Variants in PHACTR1 observed in about 807,000 individuals in gnomAD.
PHACTR1 encodes phosphatase and actin regulator 1, also known as RPEL repeat containing 1.
In PHACTR1, 16 loss-of-function variants were observed where a neutral mutation model predicts 69.2. The observed-to-expected ratio is 0.23, with a 90% CI of 0.16 to 0.35. The LOEUF (loss-of-function observed/expected upper bound fraction) is 0.35, where lower values mean the gene tolerates loss of function less well. PHACTR1 is among the 10% of genes least tolerant of loss of function. PHACTR1 has a pLI of 1.00. For missense variants in PHACTR1, 510 were observed against 734.7 expected (o/e 0.69, Z 3.54); for synonymous variants, 312 against 284.5 (o/e 1.10, Z -0.97).
chr6:13,153,907 T>C (rs1757808583), intron 5 of PHACTR1, among the ~76,000 whole-genome samples: 1 of 152,230 alleles, frequency 6.6e-6, no homozygotes, highest in African/African-American at 2.4e-5. Flanking sequence ...ATTAATTTCT[T>C]AGTCTGCTTA....
chr6:13,178,792 G>C (rs1377000481), intron 6 of PHACTR1, among the ~76,000 whole-genome samples: 1 of 152,190 alleles, frequency 6.6e-6, no homozygotes, highest in Non-Finnish European at 1.5e-5. Flanking sequence ...AGTGAACACT[G>C]TCTCATCCAC....
At chr6:12,768,861 CAA>C (rs1197466268) in intron 4 of PHACTR1, among the ~76,000 whole-genome samples, 3 of 127,036 alleles carry the variant, frequency 2.4e-5, no homozygotes, top group Non-Finnish European at 5.0e-5. Context: ...CACACACACA[CAA>C]TGGAATACTA....
At chr6:12,883,997 TAC>T in intron 4 of PHACTR1, among the ~76,000 whole-genome samples, 1 of 149,746 alleles carries the variant, frequency 6.7e-6, no homozygotes, top group Non-Finnish European at 1.5e-5. Flanking sequence ...TACACAAATA[TAC>T]ACACATAACC....
chr6:12,982,877 G>A (rs1217501386), intron 4 of PHACTR1, among the ~76,000 whole-genome samples: 3 of 152,150 alleles, frequency 2.0e-5, no homozygotes, highest in African/African-American at 7.2e-5. Flanking sequence ...TAACTAATGA[G>A]ATGTATATTC....
intron 4 of PHACTR1, among the ~76,000 whole-genome samples, chr6:12,845,422 ACCACCCAC>A (rs1260217913): frequency 0.011 from 140 of 12,826 alleles, 11 homozygotes; most frequent in African/African-American, 0.036. Flanking sequence ...CATTGTGAAC[ACCACCCAC>A]CCCCCCCCCC....
At chr6:12,769,459 C>T (rs1769098943) in intron 4 of PHACTR1, among the ~76,000 whole-genome samples, 1 of 152,136 alleles carries the variant, frequency 6.6e-6, no homozygotes, top group Non-Finnish European at 1.5e-5. Context: ...AGAGTCTAGC[C>T]CACTGGGTTT....
intron 5 of PHACTR1, among the ~76,000 whole-genome samples, chr6:13,055,856 G>A (rs1193814772): frequency 2.0e-5 from 3 of 152,224 alleles, no homozygotes; most frequent in Non-Finnish European, 4.4e-5. Context: ...GCTCATATGG[G>A]AGAAAGAATG....
At chr6:13,088,052 G>C (rs187110704) in intron 5 of PHACTR1, among the ~76,000 whole-genome samples, 58 of 152,156 alleles carry the variant, frequency 3.8e-4, no homozygotes, top group Admixed American at 3.5e-3. Context: ...AGAGAAGAGT[G>C]TTCATCCTTA....
At chr6:12,940,761 C>T (rs923514929) in intron 4 of PHACTR1, among the ~76,000 whole-genome samples, 9 of 152,176 alleles carry the variant, frequency 5.9e-5, no homozygotes, top group South Asian at 2.1e-4. Context: ...GTGCCATCTA[C>T]GTTTCTCAGC....
intron 4 of PHACTR1, among the ~76,000 whole-genome samples, chr6:12,792,002 G>A (rs1772344030): frequency 1.3e-5 from 2 of 152,178 alleles, no homozygotes; most frequent in African/African-American, 4.8e-5. Flanking sequence ...GGGTGTCAAG[G>A]AAGGCAGCCC....
chr6:13,099,938 A>T (rs1450770516), intron 5 of PHACTR1, among the ~76,000 whole-genome samples: 1 of 152,248 alleles, frequency 6.6e-6, no homozygotes, highest in East Asian at 1.9e-4. Context: ...ATTTAATGTC[A>T]CAACAAGGGC....
intron 4 of PHACTR1, among the ~76,000 whole-genome samples, chr6:12,929,207 G>A (rs1292140497): frequency 1.3e-5 from 2 of 152,174 alleles, no homozygotes; most frequent in African/African-American, 2.4e-5. Context: ...GAGGCAATTT[G>A]TGCTTCAGAG....
At chr6:12,953,065 G>A (rs1023960519) in intron 4 of PHACTR1, among the ~76,000 whole-genome samples, 2 of 152,190 alleles carry the variant, frequency 1.3e-5, no homozygotes, top group African/African-American at 2.4e-5. Flanking sequence ...GCTCATGCCT[G>A]TAATCTCAGC....
At chr6:13,127,620 T>A (rs766131420) in intron 5 of PHACTR1, among the ~76,000 whole-genome samples, 45 of 152,188 alleles carry the variant, frequency 3.0e-4, no homozygotes, top group Non-Finnish European at 5.4e-4. Context: ...TTTGTATACT[T>A]ACTGGTTTTT....
At chr6:12,965,195 A>AC (rs961629466) in intron 4 of PHACTR1, among the ~76,000 whole-genome samples, 7 of 151,886 alleles carry the variant, frequency 4.6e-5, no homozygotes, top group African/African-American at 9.7e-5. Flanking sequence ...CACATTTTGA[A>AC]CCCCCCCATG....
intron 4 of PHACTR1, among the ~76,000 whole-genome samples, chr6:12,950,886 G>T (rs1452299063): frequency 6.6e-6 from 1 of 152,052 alleles, no homozygotes; most frequent in Admixed American, 6.6e-5. Flanking sequence ...ATTCATTTGC[G>T]CCATTACCTA....
chr6:12,831,693 T>C (rs1777604174), intron 4 of PHACTR1, among the ~76,000 whole-genome samples: 1 of 152,192 alleles, frequency 6.6e-6, no homozygotes. Context: ...TGTGATGTGA[T>C]TTAGAACCAC....
chr6:12,908,098 T>G (rs974227147), intron 4 of PHACTR1, among the ~76,000 whole-genome samples: 4 of 152,184 alleles, frequency 2.6e-5, no homozygotes, highest in Non-Finnish European at 4.4e-5. Context: ...CAGTTGACAT[T>G]TAGGGATGTT....
chr6:13,160,990 A>G (rs758921873), intron 6 of PHACTR1, among the ~76,000 whole-genome samples: 1 of 152,034 alleles, frequency 6.6e-6, no homozygotes, highest in Non-Finnish European at 1.5e-5. Flanking sequence ...TATTATGTAT[A>G]TATTTTGGAG....
Sources: allele counts gnomAD v4.1 joint callset (sites outside exome capture counted in the v4.1 genomes callset), GRCh38; gene constraint gnomAD v4.1.1; transcripts MANE v1.5; gene names NCBI Gene and HGNC (gene_info 2026-07-23, HGNC 2026-07-21).